The following ASIC2 variants were observed in gnomAD, a reference collection of about 807,000 sequenced individuals.
ASIC2 encodes acid sensing ion channel subunit 2, also known as acid-sensing ion channel 2.
A neutral mutation model predicts 57.3 loss-of-function variants in ASIC2; 25 were observed. The ratio of observed to expected loss-of-function variants is 0.44; its 90% confidence interval spans 0.32 to 0.61. The LOEUF is 0.61. Among genes scored for constraint, ASIC2 ranks in the 20% least tolerant of loss-of-function variants. ASIC2 has a pLI of 0.06. For synonymous variants in ASIC2, 319 were observed against 307.5 expected (o/e 1.04, Z -0.39); for missense variants, 641 against 738.1 (o/e 0.87, Z 1.52).
At chr17:33,277,888 T>C (rs1321809403) in intron 1 of ASIC2, among the ~76,000 whole-genome samples, 1 of 152,206 alleles carries the variant, frequency 6.6e-6, no homozygotes, top group South Asian at 2.1e-4. Flanking sequence ...CAGGCTGTTC[T>C]TTCATACTGT....
At chr17:33,128,643 G>A (rs2092333826) in intron 1 of ASIC2, among the ~76,000 whole-genome samples, 1 of 152,206 alleles carries the variant, frequency 6.6e-6, no homozygotes. Flanking sequence ...ATTGAGGCAA[G>A]GTGCCAGAAT....
chr17:33,892,523 A>G (rs1311656449), intron 1 of ASIC2, among the ~76,000 whole-genome samples: 2 of 151,944 alleles, frequency 1.3e-5, no homozygotes, highest in East Asian at 3.9e-4. Flanking sequence ...TAATCCCATC[A>G]CTCTACATTA....
At chr17:33,572,216 C>T (rs939290396) in intron 1 of ASIC2, 1 of 152,184 alleles carries the variant, frequency 6.6e-6, no homozygotes, top group African/African-American at 2.4e-5. Context: ...GAACCACTCA[C>T]TCCTATTGGC....
chr17:33,659,176 G>A (rs984442591), intron 1 of ASIC2, among the ~76,000 whole-genome samples: 4 of 152,294 alleles, frequency 2.6e-5, no homozygotes, highest in African/African-American at 4.8e-5. Context: ...CCACTCAGCC[G>A]GGGAATATTC....
chr17:34,061,023 A>G (rs1908952559), intron 1 of ASIC2, among the ~76,000 whole-genome samples: 1 of 152,190 alleles, frequency 6.6e-6, no homozygotes, highest in Admixed American at 6.5e-5. Flanking sequence ...TCACAAAAAG[A>G]TCTTCGCCTA....
chr17:33,436,935 G>A (rs938712341), intron 1 of ASIC2, among the ~76,000 whole-genome samples: 2 of 129,682 alleles, frequency 1.5e-5, no homozygotes, highest in African/African-American at 2.9e-5. Flanking sequence ...GCGCGATCTC[G>A]GCTCACTGCA....
chr17:33,088,903 G>A lies in ASIC2; in HGVS notation c.947C>T (p.Ala316Val). 6.2e-7 allele frequency: 1 copy of A among 1,614,040 alleles called. No homozygotes were observed. The highest frequency in any genetic ancestry group is 8.5e-7 in the Non-Finnish European group (1 of 1,179,952). ...PFIQELGFGV[A>V]PGFQTFVATQ... ...GGCCACAAAGGTCTGGAACCCTGGA[G>A]CCACCCCAAAGCCCAGCTCTTGGAT... is the stretch of plus-strand genomic sequence containing the variant. The change falls in exon 3 of 10, where the codon GCT becomes GTT. Residue 316 changes from alanine to valine, a missense_variant. Ala to Val is a moderately conservative substitution (Grantham distance 64, BLOSUM62 0). Around this residue, in one of 3 missense-constraint regions of ASIC2, gnomAD observed 252 missense variants for 319.8 expected, o/e 0.79. Transcript: ENST00000225823.
At chr17:33,563,725 C>T (rs1303988001) in intron 1 of ASIC2, among the ~76,000 whole-genome samples, 1 of 152,136 alleles carries the variant, frequency 6.6e-6, no homozygotes, top group Non-Finnish European at 1.5e-5. Flanking sequence ...ATCTCAGAGA[C>T]CATCTAGTAG....
chr17:33,511,082 T>C (rs1327432014), intron 1 of ASIC2, among the ~76,000 whole-genome samples: 1 of 152,200 alleles, frequency 6.6e-6, no homozygotes, highest in Non-Finnish European at 1.5e-5. Flanking sequence ...CTTTTGGAGA[T>C]GCTGAGCCTT....
At chr17:33,349,408 TCA>T (rs1908074167) in intron 1 of ASIC2, among the ~76,000 whole-genome samples, 1 of 152,100 alleles carries the variant, frequency 6.6e-6, no homozygotes, top group African/African-American at 2.4e-5. Context: ...TTATTATGGG[TCA>T]CAGAGTCAGC....
chr17:34,039,842 G>A (rs1597988372), intron 1 of ASIC2: 2 of 1,606,520 alleles, frequency 1.2e-6, no homozygotes, highest in Admixed American at 1.7e-5. Flanking sequence ...TTCTGCCGTC[G>A]TGGGTCCAGG....
intron 1 of ASIC2, among the ~76,000 whole-genome samples, chr17:33,905,364 A>T (rs1053868505): frequency 1.3e-5 from 2 of 152,250 alleles, no homozygotes; most frequent in Non-Finnish European, 2.9e-5. Flanking sequence ...GACATGACTG[A>T]TCCCACATCT....
intron 1 of ASIC2, among the ~76,000 whole-genome samples, chr17:33,651,945 C>T (rs895311045): frequency 6.6e-6 from 1 of 152,194 alleles, no homozygotes; most frequent in African/African-American, 2.4e-5. Context: ...ATGAAGCCAA[C>T]ACATCATCCC....
intron 1 of ASIC2, among the ~76,000 whole-genome samples, chr17:33,381,062 AAGG>A (rs1909471716): frequency 6.6e-6 from 1 of 152,150 alleles, no homozygotes; most frequent in African/African-American, 2.4e-5. Context: ...GGGCCAGGAG[AAGG>A]AGAACTGTGG....
At chr17:33,573,943 G>A (rs1386056900) in intron 1 of ASIC2, among the ~76,000 whole-genome samples, 1 of 152,118 alleles carries the variant, frequency 6.6e-6, no homozygotes, top group Non-Finnish European at 1.5e-5. Flanking sequence ...TCAACATCAA[G>A]TTTCTGGTAT....
chr17:33,823,143 T>C (rs1912799729), intron 1 of ASIC2, among the ~76,000 whole-genome samples: 1 of 152,120 alleles, frequency 6.6e-6, no homozygotes, highest in South Asian at 2.1e-4. Flanking sequence ...TGTTCAGTAG[T>C]GGGGGCTTTA....
At chr17:33,359,164 G>A (rs970822793) in intron 1 of ASIC2, among the ~76,000 whole-genome samples, 4 of 152,198 alleles carry the variant, frequency 2.6e-5, no homozygotes, top group Non-Finnish European at 5.9e-5. Context: ...TGGAACAGGT[G>A]AGCCAGCCAG....
At chr17:33,451,305 C>G (rs552274996) in intron 1 of ASIC2, among the ~76,000 whole-genome samples, 1 of 152,288 alleles carries the variant, frequency 6.6e-6, no homozygotes, top group Non-Finnish European at 1.5e-5. Flanking sequence ...ATCTGCCTGT[C>G]TCGGCCTCCC....
chr17:33,865,784 C>A (rs369540245), intron 1 of ASIC2, among the ~76,000 whole-genome samples: 66 of 138,430 alleles, frequency 4.8e-4, no homozygotes, highest in African/African-American at 1.4e-3. Flanking sequence ...AAAAAAAAAA[C>A]GTTTTTTTAT....
Sources: gnomAD v4.1 joint callset for allele counts (sites outside exome capture counted in the v4.1 genomes callset) on GRCh38, gnomAD v4.1.1 for gene constraint, gnomAD v4.1.1 regional missense constraint, MANE v1.5 for transcripts, NCBI Gene and HGNC (gene_info 2026-07-23, HGNC 2026-07-21) for gene names.